ATP8A1: variants seen among roughly 807,000 people sequenced by gnomAD.
The protein encoded by ATP8A1 is ATPase phospholipid transporting 8A1, also known as phospholipid-transporting ATPase IA.
Under a neutral mutation model 177.7 loss-of-function variants are expected in ATP8A1, and 90 were observed. The ratio of observed to expected loss-of-function variants is 0.51; its 90% CI spans 0.43 to 0.60. ATP8A1 has a LOEUF of 0.60. Among genes scored for constraint, ATP8A1 ranks in the 20% least tolerant of loss-of-function variants. The pLI is 0.00. For synonymous variants in ATP8A1, 493 were observed against 485.9 expected, an observed-to-expected ratio of 1.01 and a Z score of -0.19; for missense variants, 1,072 against 1,392.8, an observed-to-expected ratio of 0.77 and a Z score of 3.67.
At chr4:42,414,450 T>C (rs918264547) in intron 36 of ATP8A1, among the ~76,000 whole-genome samples, 177 bp downstream of exon 36, 2 of 152,228 alleles carry the variant, frequency 1.3e-5, no homozygotes, top group African/African-American at 2.4e-5. Flanking sequence ...ATCTCTTCTG[T>C]TGAAAGTGAA....
intron 22 of ATP8A1, among the ~76,000 whole-genome samples, chr4:42,516,140 T>G (rs984896950): frequency 3.9e-5 from 6 of 152,222 alleles, no homozygotes; most frequent in Admixed American, 2.6e-4. Flanking sequence ...CATAGGCTAG[T>G]CAGTCAAGCG....
chr4:42,516,494 C>T lies in ATP8A1; in HGVS notation c.1947+5666G>A, dbSNP rs4861198. ...TGCTTTAATCAGTGATGAATCTAGG[C>T]AGGTATTATAGCTTACGCTGTTTTC... On this transcript the variant is annotated intron_variant, in intron 22 of 36. Coordinates refer to ENST00000381668, the MANE Select transcript of ATP8A1 (RefSeq NM_006095.2). 1.8e-3 allele frequency among the ~76,000 whole-genome samples: 278 copies of T among 152,214 alleles called. 2 individuals carry two copies. Among genetic ancestry groups the T allele is most frequent in the African/African-American group, 6.5e-3 (272 of 41,554 alleles).
At position 42,624,566 on chromosome 4, in the gene ATP8A1, C is replaced by T. The variant is rs1737838653; in HGVS notation, c.333G>A (p.Val111=). The T allele has an allele frequency of 2.0e-6, 3 of 1,493,850 alleles. No individual in the cohort carries two copies. The highest frequency in any genetic ancestry group is 1.8e-6 in the Non-Finnish European group (2 of 1,119,346). 92.5% of individuals were successfully genotyped at this position (1,493,850 alleles called of 1,614,324 possible). A position where few individuals can be genotyped will look rare whatever the true frequency, so the allele number is the denominator to read the frequency against. ...TLVPLLFILA[V]AAIKEIIEDI... is the part of the protein sequence containing the mutation. ...CTTCTATTATCTCTTTGATAGCTGC[C>T]ACAGCTAAAATAAATAAGAGAGGAA... Residue 111 remains valine (V), a synonymous_variant, in exon 4 of 37, where the codon GTG becomes GTA. Coordinates refer to ENST00000381668, the MANE Select transcript of ATP8A1 (RefSeq NM_006095.2).
intron 22 of ATP8A1, among the ~76,000 whole-genome samples, chr4:42,519,865 T>C (rs1187760280): frequency 6.6e-6 from 1 of 152,076 alleles, no homozygotes; most frequent in Non-Finnish European, 1.5e-5. Flanking sequence ...ATAAGGGAGG[T>C]TTCTGTCATC....
chr4:42,415,519 G>T (rs1214600940), intron 35 of ATP8A1, among the ~76,000 whole-genome samples: 2 of 152,160 alleles, frequency 1.3e-5, no homozygotes, highest in Non-Finnish European at 2.9e-5. Flanking sequence ...GTGAAGTTGA[G>T]TAATAATTCT....
rs1731653685 is a variant in ATP8A1, at chr4:42,569,142, A to G, written c.1340+19T>C. Reference sequence around the variant, plus strand: ...CCTTTTATAGGGATCAATGAGGCAGAAAGTTCCATAGAGCTTACCATTCAT... The same window carrying G: ...CCTTTTATAGGGATCAATGAGGCAGGAAGTTCCATAGAGCTTACCATTCAT... On this transcript the variant is annotated intron_variant, in intron 15 of 36. Coordinates refer to ENST00000381668, the MANE Select transcript of ATP8A1 (RefSeq NM_006095.2). 1.3e-6 allele frequency: 2 copies of G among 1,571,120 alleles called. No individual in the cohort carries two copies. Among genetic ancestry groups the G allele is most frequent in the African/African-American group, 1.4e-5 (1 of 73,084 alleles).
intron 1 of ATP8A1, among the ~76,000 whole-genome samples, chr4:42,633,195 T>C (rs180938927): frequency 6.6e-6 from 1 of 152,194 alleles, no homozygotes; most frequent in Admixed American, 6.5e-5. Flanking sequence ...CACCTACTGA[T>C]CAGTGACTAC....
intron 24 of ATP8A1, among the ~76,000 whole-genome samples, chr4:42,497,041 G>T (rs1322842358): frequency 6.6e-6 from 1 of 152,170 alleles, no homozygotes; most frequent in Admixed American, 6.6e-5. Context: ...GATGGAGAAT[G>T]AAAATGAAAC....
At chr4:42,491,770 T>C (rs1560384860) in intron 24 of ATP8A1, among the ~76,000 whole-genome samples, 1 of 152,140 alleles carries the variant, frequency 6.6e-6, no homozygotes, top group Non-Finnish European at 1.5e-5. Context: ...AAAGTAATGC[T>C]GCAGAAAGCA....
chr4:42,536,591 G>A (rs925644001), intron 20 of ATP8A1, among the ~76,000 whole-genome samples: 1 of 152,154 alleles, frequency 6.6e-6, no homozygotes, highest in African/African-American at 2.4e-5. Flanking sequence ...TCCTTTCAGA[G>A]TCATTCTATG....
At chr4:42,510,016 C>A (rs1345446520) in intron 22 of ATP8A1, among the ~76,000 whole-genome samples, 1 of 152,080 alleles carries the variant, frequency 6.6e-6, no homozygotes, top group African/African-American at 2.4e-5. Flanking sequence ...AAATTAGGGA[C>A]CACGTCTTGC....
chr4:42,643,203 A>G (rs528841782), intron 1 of ATP8A1, among the ~76,000 whole-genome samples: 1 of 152,368 alleles, frequency 6.6e-6, no homozygotes, highest in South Asian at 2.1e-4. Context: ...AATGGGGAAC[A>G]CGTATTACAC....
intron 1 of ATP8A1, among the ~76,000 whole-genome samples, chr4:42,651,798 C>A: frequency 6.6e-6 from 1 of 152,186 alleles, no homozygotes; most frequent in East Asian, 1.9e-4. Flanking sequence ...GCACAAGGAG[C>A]CAACATCCCT....
chr4:42,643,994 G>C (rs1740271006), intron 1 of ATP8A1, among the ~76,000 whole-genome samples: 1 of 152,176 alleles, frequency 6.6e-6, no homozygotes, highest in South Asian at 2.1e-4. Context: ...CTACTTGCAG[G>C]TGGCTACCGT....
chr4:42,563,537 T>A (rs1731053059), intron 15 of ATP8A1, among the ~76,000 whole-genome samples: 1 of 152,190 alleles, frequency 6.6e-6, no homozygotes, highest in Non-Finnish European at 1.5e-5. Flanking sequence ...CGAATATTAA[T>A]CCCCAAGATA....
At chr4:42,454,661 G>GGTGT (rs142603417) in intron 29 of ATP8A1, among the ~76,000 whole-genome samples, 7 of 151,182 alleles carry the variant, frequency 4.6e-5, no homozygotes, top group Admixed American at 6.6e-5. Context: ...TAGAAAATGA[G>GGTGT]GTGTGTGTGT....
intron 1 of ATP8A1, among the ~76,000 whole-genome samples, chr4:42,638,966 T>C (rs898892842): frequency 6.6e-6 from 1 of 152,168 alleles, no homozygotes; most frequent in Admixed American, 6.6e-5. Context: ...AAAAAATAAC[T>C]GTATCAAAGA....
At chr4:42,481,612 A>C (rs1463268779) in intron 25 of ATP8A1, among the ~76,000 whole-genome samples, 1 of 152,238 alleles carries the variant, frequency 6.6e-6, no homozygotes, top group African/African-American at 2.4e-5. Flanking sequence ...TATTTAGTAC[A>C]GTTACTCCCT....
At chr4:42,514,607 T>C (rs1437267451) in intron 22 of ATP8A1, among the ~76,000 whole-genome samples, 12 of 152,172 alleles carry the variant, frequency 7.9e-5, no homozygotes, top group Admixed American at 5.9e-4. Context: ...CCCTGAGTGA[T>C]CTAGTGATTA....
Sources: allele counts gnomAD v4.1 joint callset (sites outside exome capture counted in the v4.1 genomes callset), GRCh38; gene constraint gnomAD v4.1.1; transcripts MANE v1.5; gene names NCBI Gene and HGNC (gene_info 2026-07-23, HGNC 2026-07-21).